ATP6V0A2: variants seen among roughly 807,000 people sequenced by gnomAD.
The protein encoded by ATP6V0A2 is ATPase H+ transporting V0 subunit a2, also known as V-type proton ATPase 116 kDa subunit a 2.
ATP6V0A2 carries 58 observed loss-of-function variants against 104.4 expected under a neutral mutation model. That is an observed-to-expected ratio of 0.56 (90% CI 0.45 to 0.69). The LOEUF (loss-of-function observed/expected upper bound fraction) is 0.69, where lower values mean the gene tolerates loss of function less well. Among genes scored for constraint, ATP6V0A2 ranks in the 30% least tolerant of loss-of-function variants. The pLI, the probability that ATP6V0A2 is intolerant of heterozygous loss-of-function variation, is 0.00. For synonymous variants in ATP6V0A2, 376 were observed against 397.9 expected (o/e 0.95, Z 0.65); for missense variants, 938 against 1,062.9 (o/e 0.88, Z 1.63).
At chr12:123,713,317 A>C (rs779428119) in intron 1 of ATP6V0A2, among the ~76,000 whole-genome samples, 8 of 152,002 alleles carry the variant, frequency 5.3e-5, no homozygotes, top group Non-Finnish European at 8.8e-5. Context: ...ACTGATGCTT[A>C]ATGCTGTACA....
intron 5 of ATP6V0A2, among the ~76,000 whole-genome samples, chr12:123,726,622 T>G (rs916771427): frequency 6.6e-6 from 1 of 152,224 alleles, no homozygotes; most frequent in Non-Finnish European, 1.5e-5. Flanking sequence ...TAAACCGAGT[T>G]GGTTAGTTTT....
intron 14 of ATP6V0A2, 49 bp downstream of exon 14, chr12:123,747,774 T>A: frequency 2.4e-6 from 3 of 1,263,586 alleles, no homozygotes; most frequent in Non-Finnish European, 3.5e-6. Flanking sequence ...AAACTTGGCA[T>A]TTCTTCAATT....
intron 8 of ATP6V0A2, 95 bp downstream of exon 8, chr12:123,735,719 C>A: frequency 1.9e-6 from 2 of 1,050,162 alleles, no homozygotes; most frequent in South Asian, 1.3e-5. Flanking sequence ...TAATATTGGT[C>A]GTAGACAAAT....
At chr12:123,727,284 A>G (rs570937395) in intron 5 of ATP6V0A2, among the ~76,000 whole-genome samples, 10 of 110,028 alleles carry the variant, frequency 9.1e-5, no homozygotes, top group Middle Eastern at 4.6e-3. Context: ...GATTCCAAGA[A>G]TTTCTCTCTT....
chr12:123,735,505 G>T (rs1172948119), intron 7 of ATP6V0A2, 26 bp from the exon 8 acceptor site: 1 of 1,599,326 alleles, frequency 6.3e-7, no homozygotes, highest in South Asian at 1.1e-5. Context: ...ACAGATGTGA[G>T]ACTGTGTTCA....
intron 1 of ATP6V0A2, among the ~76,000 whole-genome samples, chr12:123,714,164 C>G (rs1454094290): frequency 6.6e-6 from 1 of 152,222 alleles, no homozygotes; most frequent in Admixed American, 6.5e-5. Flanking sequence ...TTCAGTCTTA[C>G]AGGTTTGAGC....
Position 123,752,416 on chromosome 12 carries a change from A to G in ATP6V0A2, c.2175+14A>G, listed in dbSNP as rs1297868999. 2 of 1,613,808 alleles carry G rather than the reference A, an allele frequency of 1.2e-6. No individual in the cohort carries two copies. The highest frequency in any genetic ancestry group is 2.2e-5 in the East Asian group (1 of 44,862). ...GCGTGTGAAGAGGTAAATCTTTTCA[A>G]CTGCTATTGATAAACTTAGATAAGT... On this transcript the variant is annotated intron_variant, in intron 17 of 19. Transcript: ENST00000330342.
rs1003150725 is a variant in ATP6V0A2 at position 123,759,727 on chromosome 12, G to A, written c.*1695G>A. 6.6e-6 allele frequency: 1 copy of A among 152,176 alleles called. No individual in the cohort carries two copies. Among genetic ancestry groups the A allele is most frequent in the African/African-American group, 2.4e-5 (1 of 41,440 alleles). The allele number at this position is 152,176 out of a possible 1,614,324, so 9.4% of individuals were successfully genotyped here. A position where few individuals can be genotyped will look rare whatever the true frequency, so the allele number is the denominator to read the frequency against. On this transcript the variant is annotated 3_prime_UTR_variant, in exon 20 of 20. Coordinates refer to ENST00000330342, the MANE Select transcript of ATP6V0A2 (RefSeq NM_012463.4). ...CTGAGTTTAACGTGGCTGTGCAGCT[G>A]ATTTCAAGGCATGAGCTGAACAGCG...
Position 123,722,872 on chromosome 12 carries a change from T to C in ATP6V0A2, c.294+424T>C, listed in dbSNP as rs964687329. 2.0e-5 allele frequency among the ~76,000 whole-genome samples: 3 copies of C among 152,088 alleles called. No individual in the cohort carries two copies. In the East Asian group the frequency reaches 5.8e-4, roughly 29 times the overall value. ...CTTCACAGTCCTCCCACATTTACCC[T>C]GGCCCTTCCCCTCTAAATTTTGGAA... On this transcript the variant is annotated intron_variant, in intron 3 of 19. Transcript: ENST00000330342.
At chr12:123,723,817 T>A (rs1289737004) in intron 3 of ATP6V0A2, 5 of 152,208 alleles carry the variant, frequency 3.3e-5, no homozygotes, top group African/African-American at 1.2e-4. Flanking sequence ...TAGTAACTCA[T>A]ATGCTAGAGA....
At chr12:123,739,089 G>A (rs1956583826) in intron 9 of ATP6V0A2, 1 of 152,320 alleles carries the variant, frequency 6.6e-6, no homozygotes, top group East Asian at 1.9e-4. Flanking sequence ...CTTTCAAGGT[G>A]GCTGCATTCG....
chr12:123,732,543 C>T (rs561842233), intron 6 of ATP6V0A2: 2 of 152,614 alleles, frequency 1.3e-5, no homozygotes, highest in Admixed American at 1.3e-4. Flanking sequence ...CTGGCCTCCT[C>T]GAGTCTCCTG....
intron 15 of ATP6V0A2, 109 bp downstream of exon 15, chr12:123,748,894 C>A: frequency 9.3e-7 from 1 of 1,080,384 alleles, no homozygotes; most frequent in Non-Finnish European, 1.4e-6. Flanking sequence ...GGGAAGGCTG[C>A]TTCTGTCTCT....
At chr12:123,736,956 C>G in intron 8 of ATP6V0A2, 103 bp from the exon 9 acceptor site, 1 of 1,145,150 alleles carries the variant, frequency 8.7e-7, no homozygotes, top group South Asian at 1.3e-5. Flanking sequence ...CTGGAATGAT[C>G]CTCTGTCAAT....
chr12:123,730,653 GT>G (rs1956493428), intron 6 of ATP6V0A2: 1 of 152,156 alleles, frequency 6.6e-6, no homozygotes, highest in South Asian at 2.1e-4. Context: ...GATCAAAACT[GT>G]TCTGAAGTAG....
intron 9 of ATP6V0A2, 138 bp downstream of exon 9, chr12:123,737,409 A>C: frequency 1.1e-6 from 1 of 874,146 alleles, no homozygotes; most frequent in South Asian, 1.5e-5. Flanking sequence ...TTTTTTTAAA[A>C]TATTAATTAA....
At chr12:123,727,327 C>T (rs1384629403) in intron 5 of ATP6V0A2, among the ~76,000 whole-genome samples, 2 of 150,838 alleles carry the variant, frequency 1.3e-5, no homozygotes, top group Non-Finnish European at 2.9e-5. Flanking sequence ...CTTGTTCTGT[C>T]GCCCAGGCTA....
intron 1 of ATP6V0A2, among the ~76,000 whole-genome samples, chr12:123,715,528 ATCTTAACTGTT>A (rs1420387078): frequency 6.6e-6 from 1 of 152,222 alleles, no homozygotes; most frequent in African/African-American, 2.4e-5. Flanking sequence ...GTCAAGTTGT[ATCTTAACTGTT>A]TCTTGAGAGT....
intron 6 of ATP6V0A2, chr12:123,732,260 C>T (rs1375532824): frequency 1.3e-5 from 2 of 153,400 alleles, no homozygotes; most frequent in African/African-American, 4.8e-5. Flanking sequence ...GTCCCGCCGC[C>T]TCTCCTCGCT....
Sources: gnomAD v4.1 joint callset for allele counts (sites outside exome capture counted in the v4.1 genomes callset) on GRCh38, gnomAD v4.1.1 for gene constraint, MANE v1.5 for transcripts, NCBI Gene and HGNC (gene_info 2026-07-23, HGNC 2026-07-21) for gene names.